Variants in NFIL3 observed in about 807,000 individuals in gnomAD.
NFIL3 encodes nuclear factor, interleukin 3 regulated, also known as nuclear factor interleukin-3-regulated protein.
NFIL3 carries 5 observed loss-of-function variants against 10.0 expected under a neutral mutation model. The observed-to-expected ratio is 0.50, with a 90% confidence interval of 0.26 to 1.06. NFIL3 has a LOEUF of 1.06. NFIL3 is among the 50% of genes least tolerant of loss of function. NFIL3 has a pLI of 0.13. For synonymous variants in NFIL3, 202 were observed against 206.5 expected, an observed-to-expected ratio of 0.98 and a Z score of 0.19; for missense variants, 436 against 547.6, an observed-to-expected ratio of 0.80 and a Z score of 2.03.
chr9:91,423,538 C>G (rs1480513008), intron 1 of NFIL3, 102 bp downstream of exon 1: 1 of 150,478 alleles, frequency 6.6e-6, no homozygotes, highest in Non-Finnish European at 1.5e-5. Context: ...ACAGCCCGAC[C>G]CCGCACACAG....
At chr9:91,419,803 G>C (rs1164083257) in intron 1 of NFIL3, among the ~76,000 whole-genome samples, 1 of 152,220 alleles carries the variant, frequency 6.6e-6, no homozygotes, top group African/African-American at 2.4e-5. Flanking sequence ...TGCTGCTCGT[G>C]ACTCTTACTG....
At chr9:91,434,832 C>T in the NFIL3 span, among the ~76,000 whole-genome samples, 1 of 152,102 alleles carries the variant, frequency 6.6e-6, no homozygotes, top group Admixed American at 6.5e-5. Flanking sequence ...CGCTTGTACT[C>T]TTAAAGCTAT....
At chr9:91,436,354 G>A in the NFIL3 span, among the ~76,000 whole-genome samples, 1 of 152,150 alleles carries the variant, frequency 6.6e-6, no homozygotes, top group Non-Finnish European at 1.5e-5. Context: ...GAAGGCGGGC[G>A]GATCGCGAGG....
At chr9:91,431,872 G>C in the NFIL3 span, among the ~76,000 whole-genome samples, 1 of 152,172 alleles carries the variant, frequency 6.6e-6, no homozygotes, top group Non-Finnish European at 1.5e-5. Context: ...AAGTCCCAGT[G>C]TGTCTCCTTC....
the NFIL3 span, among the ~76,000 whole-genome samples, chr9:91,469,194 CTT>C: frequency 1.3e-5 from 2 of 152,196 alleles, no homozygotes; most frequent in Non-Finnish European, 2.9e-5. Flanking sequence ...TTTGTGTCCT[CTT>C]TTATTTCATT....
chr9:91,435,321 A>G, the NFIL3 span, among the ~76,000 whole-genome samples: 1 of 152,196 alleles, frequency 6.6e-6, no homozygotes, highest in Non-Finnish European at 1.5e-5. Context: ...CAACATCTCT[A>G]TGACCTTGCC....
At chr9:91,438,121 C>A in the NFIL3 span, among the ~76,000 whole-genome samples, 3 of 152,242 alleles carry the variant, frequency 2.0e-5, no homozygotes, top group South Asian at 6.2e-4. Context: ...ACTACATTTC[C>A]ACCAGCACTA....
the NFIL3 span, among the ~76,000 whole-genome samples, chr9:91,433,788 G>A: frequency 6.6e-6 from 1 of 152,134 alleles, no homozygotes; most frequent in Non-Finnish European, 1.5e-5. Context: ...CATATCTGGT[G>A]CCTAGGCAGT....
At chr9:91,458,853 A>G in the NFIL3 span, among the ~76,000 whole-genome samples, 1 of 152,288 alleles carries the variant, frequency 6.6e-6, no homozygotes, top group South Asian at 2.1e-4. Context: ...TGGTGTCAAG[A>G]AAATTAAGGA....
chr9:91,442,482 C>T, the NFIL3 span, among the ~76,000 whole-genome samples: 3 of 152,172 alleles, frequency 2.0e-5, no homozygotes, highest in Admixed American at 6.5e-5. Context: ...CTCAGCCCAG[C>T]AGGCTGTGCT....
the NFIL3 span, among the ~76,000 whole-genome samples, chr9:91,472,783 G>A: frequency 6.6e-6 from 1 of 152,186 alleles, no homozygotes; most frequent in Admixed American, 6.5e-5. Flanking sequence ...GAGAAGAGGT[G>A]CTCTGGTTTT....
chr9:91,432,133 A>G, the NFIL3 span, among the ~76,000 whole-genome samples: 1 of 152,098 alleles, frequency 6.6e-6, no homozygotes, highest in East Asian at 1.9e-4. Flanking sequence ...AGGTGACACA[A>G]CCCCATGATG....
the NFIL3 span, among the ~76,000 whole-genome samples, chr9:91,469,695 G>C: frequency 6.6e-6 from 1 of 152,124 alleles, no homozygotes; most frequent in Non-Finnish European, 1.5e-5. Context: ...ATTATTTTGA[G>C]ATACATCCCA....
At chr9:91,468,162 A>C in the NFIL3 span, among the ~76,000 whole-genome samples, 7 of 152,196 alleles carry the variant, frequency 4.6e-5, no homozygotes, top group African/African-American at 1.7e-4. Flanking sequence ...AACAGTGTAA[A>C]AGAGTTCCTA....
chr9:91,471,012 G>A, the NFIL3 span, among the ~76,000 whole-genome samples: 1 of 152,190 alleles, frequency 6.6e-6, no homozygotes, highest in Non-Finnish European at 1.5e-5. Flanking sequence ...TTGGGGTGGA[G>A]GGTTATGTAG....
the NFIL3 span, among the ~76,000 whole-genome samples, chr9:91,468,166 G>A: frequency 2.6e-5 from 4 of 152,176 alleles, no homozygotes; most frequent in Non-Finnish European, 4.4e-5. Flanking sequence ...GTGTAAAAGA[G>A]TTCCTATTTC....
the NFIL3 span, among the ~76,000 whole-genome samples, chr9:91,449,854 T>A: frequency 6.6e-6 from 1 of 152,226 alleles, no homozygotes; most frequent in African/African-American, 2.4e-5. Context: ...GTTGAGACAT[T>A]TTTGATTATT....
chr9:91,461,047 A>G, the NFIL3 span, among the ~76,000 whole-genome samples: 9 of 152,304 alleles, frequency 5.9e-5, no homozygotes, highest in African/African-American at 2.2e-4. Flanking sequence ...CATGCTGTCT[A>G]TGCCATGTTT....
At chr9:91,424,053 G>T (rs1196021627), upstream of NFIL3, among the ~76,000 whole-genome samples, 1 of 136,318 alleles carries the variant, frequency 7.3e-6, no homozygotes, top group Non-Finnish European at 1.6e-5. Flanking sequence ...GTCCCTCCCC[G>T]GCCAGGGCCA....
Sources: gnomAD v4.1 joint callset for allele counts (sites outside exome capture counted in the v4.1 genomes callset) on GRCh38, gnomAD v4.1.1 for gene constraint, MANE v1.5 for transcripts, NCBI Gene and HGNC (gene_info 2026-07-23, HGNC 2026-07-21) for gene names.